Variants in ZNF385D observed in about 807,000 individuals in gnomAD.
ZNF385D encodes the protein zinc finger protein 659.
In ZNF385D, 15 loss-of-function variants were observed where a neutral mutation model predicts 35.8. The observed-to-expected ratio is 0.42, with a 90% confidence interval of 0.28 to 0.64. The LOEUF (loss-of-function observed/expected upper bound fraction) is 0.64, where lower values mean the gene tolerates loss of function less well. Among genes scored for constraint, ZNF385D ranks in the 30% least tolerant of loss-of-function variants. The probability of loss-of-function intolerance (pLI) is 0.23; values close to 1 mark genes in which losing one functional copy is unlikely to be tolerated. For synonymous variants in ZNF385D, 212 were observed against 186.8 expected (o/e 1.13, Z -1.10); for missense variants, 474 against 494.6 (o/e 0.96, Z 0.39).
intron 1 of ZNF385D, among the ~76,000 whole-genome samples, chr3:21,722,952 G>A (rs569501700): frequency 9.2e-5 from 14 of 152,220 alleles, no homozygotes; most frequent in Admixed American, 5.2e-4. Context: ...TCCCTGGCTC[G>A]GATACAGCTC....
intron 2 of ZNF385D, among the ~76,000 whole-genome samples, chr3:21,601,089 AG>A (rs1354748214): frequency 1.3e-5 from 2 of 152,146 alleles, no homozygotes; most frequent in Non-Finnish European, 2.9e-5. Context: ...TTTTTCAAGG[AG>A]GTTTTTATTT....
chr3:21,676,764 A>G (rs761101672), intron 1 of ZNF385D, among the ~76,000 whole-genome samples: 2 of 150,850 alleles, frequency 1.3e-5, no homozygotes, highest in Non-Finnish European at 3.0e-5. Context: ...ATTAGAAACC[A>G]GATAGGGATG....
chr3:21,593,182 C>T (rs2064032171), intron 2 of ZNF385D, among the ~76,000 whole-genome samples: 1 of 152,134 alleles, frequency 6.6e-6, no homozygotes, highest in African/African-American at 2.4e-5. Flanking sequence ...ACTCAACTCA[C>T]TTACTGTTTT....
chr3:22,319,326 A>G (rs1184285848), intron 2 of ZNF385D, among the ~76,000 whole-genome samples: 5 of 151,730 alleles, frequency 3.3e-5, no homozygotes, highest in Non-Finnish European at 7.4e-5. Flanking sequence ...AAGAAATAAC[A>G]TGAATAATAT....
rs1255581165 is a variant in ZNF385D at position 22,279,561 on chromosome 3, TACATATATATGTATATAC to T, written c.106+92871_106+92888del. Among the ~76,000 whole-genome samples, 252 of 145,220 alleles carry T rather than the reference TACATATATATGTATATAC, an allele frequency of 1.7e-3. 3 individuals are homozygous for T. The highest frequency in any genetic ancestry group is 5.9e-3 in the African/African-American group (225 of 38,152). On this transcript the variant is annotated intron_variant, in intron 2 of 5. Coordinates refer to the ZNF385D transcript ENST00000494108. ...ATATATGTATATACATATACATATG[TACATATATATGTATATAC>T]ATATACATATGTACATATATATGTA... is the stretch of plus-strand genomic sequence containing the variant.
At chr3:21,787,635 T>G (rs1351910746) in intron 3 of ZNF385D, among the ~76,000 whole-genome samples, 3 of 151,934 alleles carry the variant, frequency 2.0e-5, no homozygotes, top group Non-Finnish European at 4.4e-5. Flanking sequence ...CACCCTGCAA[T>G]GAAAATCACC....
At chr3:21,551,484 T>G (rs1156544531) in intron 3 of ZNF385D, among the ~76,000 whole-genome samples, 1 of 152,222 alleles carries the variant, frequency 6.6e-6, no homozygotes, top group Non-Finnish European at 1.5e-5. Context: ...ATCTTATATA[T>G]CCTTAGTTTG....
At chr3:22,166,271 G>A (rs546995334) in intron 3 of ZNF385D, among the ~76,000 whole-genome samples, 1 of 140,686 alleles carries the variant, frequency 7.1e-6, no homozygotes, top group Non-Finnish European at 1.6e-5. Context: ...GAAAAAATCT[G>A]AATAGGAAAT....
intron 1 of ZNF385D, among the ~76,000 whole-genome samples, chr3:21,700,577 C>T (rs2125379301): frequency 6.6e-6 from 1 of 152,266 alleles, no homozygotes; most frequent in East Asian, 1.9e-4. Context: ...TACACTCTGG[C>T]TCTGACAAGT....
chr3:21,555,886 CTT>C (rs915311585), intron 3 of ZNF385D, among the ~76,000 whole-genome samples: 2 of 152,068 alleles, frequency 1.3e-5, no homozygotes, highest in African/African-American at 4.8e-5. Flanking sequence ...CATTTCCTGA[CTT>C]TTTAATGCTT....
intron 3 of ZNF385D, among the ~76,000 whole-genome samples, chr3:21,962,902 T>C (rs999577382): frequency 9.2e-5 from 14 of 152,216 alleles, no homozygotes; most frequent in Admixed American, 5.2e-4. Flanking sequence ...ATTACTCTAA[T>C]ATGTGAGGGC....
intron 3 of ZNF385D, among the ~76,000 whole-genome samples, chr3:21,547,076 G>C (rs1027538877): frequency 2.0e-5 from 3 of 151,858 alleles, no homozygotes; most frequent in Non-Finnish European, 2.9e-5. Flanking sequence ...TGAAACCCTG[G>C]GACTCCTTTG....
At chr3:21,488,330 T>C (rs1705176828) in intron 4 of ZNF385D, among the ~76,000 whole-genome samples, 1 of 104,846 alleles carries the variant, frequency 9.5e-6, no homozygotes, top group Non-Finnish European at 1.9e-5. Context: ...TCTAATAAGC[T>C]ACACACAGAC....
intron 3 of ZNF385D, among the ~76,000 whole-genome samples, chr3:21,940,486 T>C (rs1235815956): frequency 2.6e-5 from 4 of 152,218 alleles, no homozygotes; most frequent in African/African-American, 9.6e-5. Context: ...ATCTGGGTAT[T>C]ATCAGTTCGT....
chr3:22,143,648 A>G (rs933221912), intron 3 of ZNF385D, among the ~76,000 whole-genome samples: 2 of 152,144 alleles, frequency 1.3e-5, no homozygotes, highest in African/African-American at 4.8e-5. Context: ...TAGATTTATT[A>G]AACTTTCACA....
chr3:22,234,541 A>G (rs189288447), intron 2 of ZNF385D, among the ~76,000 whole-genome samples: 2 of 151,862 alleles, frequency 1.3e-5, no homozygotes, highest in Admixed American at 1.3e-4. Context: ...AAAGCATCCC[A>G]CCATAATCTT....
intron 2 of ZNF385D, among the ~76,000 whole-genome samples, chr3:22,200,764 C>A (rs573702956): frequency 1.3e-5 from 2 of 152,190 alleles, no homozygotes; most frequent in East Asian, 3.9e-4. Flanking sequence ...AGACCTACCC[C>A]CAGGCGCCTA....
At chr3:22,149,719 T>C (rs76470355) in intron 3 of ZNF385D, among the ~76,000 whole-genome samples, 2,593 of 152,242 alleles carry the variant, frequency 0.017, 64 homozygotes, top group African/African-American at 0.057. Flanking sequence ...AAGTTCTGTT[T>C]GTATTTCTCT....
chr3:22,024,497 A>G (rs1290670478), intron 3 of ZNF385D, among the ~76,000 whole-genome samples: 1 of 151,898 alleles, frequency 6.6e-6, no homozygotes, highest in Non-Finnish European at 1.5e-5. Flanking sequence ...AATGCTAAGG[A>G]CTCTACTTCT....
Sources: allele counts gnomAD v4.1 joint callset (sites outside exome capture counted in the v4.1 genomes callset), GRCh38; gene constraint gnomAD v4.1.1; transcripts MANE v1.5; gene names NCBI Gene and HGNC (gene_info 2026-07-23, HGNC 2026-07-21).